The following ERI1 variants were observed in gnomAD, a reference collection of about 807,000 sequenced individuals.
ERI1 encodes the protein 3'-5' exoribonuclease 1.
In ERI1, 39 loss-of-function variants were observed where a neutral mutation model predicts 39.7. The ratio of observed to expected loss-of-function variants is 0.98; its 90% CI spans 0.76 to 1.28. ERI1 has a LOEUF of 1.28. ERI1 is among the 50% of genes most tolerant of loss of function. ERI1 has a pLI of 0.00. For missense variants in ERI1, 581 were observed against 416.9 expected (o/e 1.39, Z -3.43); for synonymous variants, 204 against 149.6 (o/e 1.36, Z -2.65).
At chr8:9,079,932 A>G (rs113387499) in intron 3 of ERI1, among the ~76,000 whole-genome samples, 7,510 of 151,640 alleles carry the variant, frequency 0.05, 565 homozygotes, top group African/African-American at 0.16. Flanking sequence ...TGGCCTCCCA[A>G]AGTGCTGTGA....
At chr8:9,047,475 G>C (rs1214441478) in intron 3 of ERI1, among the ~76,000 whole-genome samples, 1 of 151,844 alleles carries the variant, frequency 6.6e-6, no homozygotes, top group Non-Finnish European at 1.5e-5. Context: ...AATGTCACCT[G>C]ACCAGCCTGG....
intron 3 of ERI1, among the ~76,000 whole-genome samples, chr8:9,076,709 A>T (rs1799222650): frequency 6.6e-6 from 1 of 152,230 alleles, no homozygotes; most frequent in Non-Finnish European, 1.5e-5. Context: ...AAGCCACTTC[A>T]GTGAGAAATG....
intron 3 of ERI1, among the ~76,000 whole-genome samples, chr8:9,075,380 T>A (rs181401146): frequency 6.6e-6 from 1 of 152,104 alleles, no homozygotes; most frequent in Non-Finnish European, 1.5e-5. Context: ...TGGAGACTGA[T>A]GAGAGATTAC....
At chr8:9,093,478 A>G (rs1390538422) in intron 3 of ERI1, among the ~76,000 whole-genome samples, 1 of 147,924 alleles carries the variant, frequency 6.8e-6, no homozygotes, top group Non-Finnish European at 1.5e-5. Flanking sequence ...CCTGGATAAT[A>G]TTTTTGGAAG....
chr8:9,038,646 A>G (rs1250083622), intron 3 of ERI1, among the ~76,000 whole-genome samples: 1 of 152,136 alleles, frequency 6.6e-6, no homozygotes, highest in South Asian at 2.1e-4. Flanking sequence ...AGTCCCATCT[A>G]CTTGGGGGGC....
intron 3 of ERI1, among the ~76,000 whole-genome samples, chr8:9,057,595 A>C (rs1301072504): frequency 2.6e-5 from 4 of 152,232 alleles, no homozygotes; most frequent in Non-Finnish European, 5.9e-5. Flanking sequence ...TGAGCCAGAC[A>C]CTATTTTAGG....
At position 9,016,338 on chromosome 8, in the gene ERI1, A is replaced by G. The variant is rs1184069414; in HGVS notation, c.515A>G (p.Gln172Arg). The change falls in exon 4 of 7, where the codon CAG (glutamine) becomes CGG (arginine). Residue 172 changes from glutamine (Q) to arginine (R), a missense_variant. Gln to Arg is a conservative substitution (Grantham distance 43). Coordinates refer to ENST00000250263, the MANE Select transcript of ERI1 (RefSeq NM_153332.4). ...CCCTTGCAGGAAGACACGTTTCAGC[A>G]GTATGTAAGACCAGAGATTAACACA... ...HTLEIEDTFQQYVRPEINTQL... is the reference protein window; with the variant it reads ...HTLEIEDTFQRYVRPEINTQL... 2.5e-6 allele frequency: 4 copies of G among 1,603,710 alleles called. No homozygotes were observed. Among genetic ancestry groups the G allele is most frequent in the Non-Finnish European group, 2.6e-6 (3 of 1,174,768 alleles).
At chr8:9,017,896 G>A (rs531910911) in intron 4 of ERI1, among the ~76,000 whole-genome samples, 49 of 152,318 alleles carry the variant, frequency 3.2e-4, no homozygotes, top group South Asian at 2.5e-3. Flanking sequence ...CAGTCTGGCA[G>A]CAGTATGTAG....
chr8:9,025,702 T>TGTG (rs1554519270), intron 6 of ERI1, among the ~76,000 whole-genome samples: 2,328 of 147,830 alleles, frequency 0.016, 23 homozygotes, highest in East Asian at 0.022. Context: ...TCTTTTTTTT[T>TGTG]TGTGTGTGTG....
chr8:9,037,430 T>G (rs190428187), downstream of ERI1, among the ~76,000 whole-genome samples: 2 of 152,100 alleles, frequency 1.3e-5, no homozygotes, highest in African/African-American at 2.4e-5. Context: ...TATTTGTTCA[T>G]TGCACTTTTG....
rs763463653 is a variant in ERI1, at chr8:9,018,406, GGTAA to G, written c.692+4_692+7del. 3 of 1,482,474 alleles carry G rather than the reference GGTAA, an allele frequency of 2.0e-6. No individual in the cohort carries two copies. The highest frequency in any genetic ancestry group is 2.8e-6 in the Non-Finnish European group (3 of 1,065,848). The allele number at this position is 1,482,474 out of a possible 1,614,324, so 91.8% of individuals were successfully genotyped here. A position where few individuals can be genotyped will look rare whatever the true frequency, so the allele number is the denominator to read the frequency against. ...TATAAATACTCACTTTTAACAGATGGGTAAGTATTTAGGAAGATTATTTTTTTAT... is the reference window on the plus strand; with the variant it reads ...TATAAATACTCACTTTTAACAGATGGGTATTTAGGAAGATTATTTTTTTAT... On this transcript the variant is annotated splice_donor_variant and splice_donor_region_variant and intron_variant, in intron 5 of 6. Transcript: ENST00000250263. LOFTEE classifies it high-confidence loss of function.
chr8:9,007,787 T>C (rs766562698), intron 1 of ERI1, among the ~76,000 whole-genome samples, 183 bp from the exon 2 acceptor site: 2 of 152,272 alleles, frequency 1.3e-5, no homozygotes, highest in East Asian at 3.9e-4. Flanking sequence ...GTAAATTGTA[T>C]TGGAGACGCA....
intron 3 of ERI1, among the ~76,000 whole-genome samples, chr8:9,081,739 A>G (rs1385961934): frequency 7.2e-6 from 1 of 138,774 alleles, no homozygotes; most frequent in African/African-American, 3.0e-5. Context: ...TTTAAGGAGC[A>G]GGGAGTTTAA....
chr8:9,087,706 C>G (rs957202539), intron 3 of ERI1, among the ~76,000 whole-genome samples: 1 of 152,212 alleles, frequency 6.6e-6, no homozygotes. Context: ...AGATCCCCTA[C>G]TTTCTGCTCA....
intron 3 of ERI1, among the ~76,000 whole-genome samples, chr8:9,078,862 A>G (rs967554180): frequency 3.3e-5 from 5 of 152,190 alleles, no homozygotes; most frequent in African/African-American, 1.2e-4. Context: ...TACAGAGACT[A>G]CAGGGGCATT....
In ERI1 at chr8:9,020,401, CAA is replaced by C; in HGVS notation, c.746_747del (p.Lys249IlefsTer23). Reference sequence around the variant, plus strand: ...ACATTCAGTGTCAACTCAGCAGGCTCAAATACCCTCCTTTTGCGAAAAAGTGG... The same window carrying C: ...ACATTCAGTGTCAACTCAGCAGGCTCATACCCTCCTTTTGCGAAAAAGTGG... ...LNIQCQLSRL[K>X]YPPFAKKWIN... On this transcript the variant is annotated frameshift_variant, in exon 6 of 7. Coordinates refer to ENST00000250263, the MANE Select transcript of ERI1 (RefSeq NM_153332.4). LOFTEE classifies it high-confidence loss of function. 6.2e-7 allele frequency: 1 copy of C among 1,608,284 alleles called. No homozygotes were observed. The highest frequency in any genetic ancestry group is 8.5e-7 in the Non-Finnish European group (1 of 1,177,762).
chr8:9,027,136 G>GGTGTGTGTGTGT (rs780775904), intron 6 of ERI1, among the ~76,000 whole-genome samples: 4,078 of 137,468 alleles, frequency 0.03, 103 homozygotes, highest in Non-Finnish European at 0.044. Context: ...GTTATTTTCT[G>GGTGTGTGTGTGT]GTGTGTGTGT....
chr8:9,011,471 C>A, intron 2 of ERI1, 71 bp from the exon 3 acceptor site: 1 of 1,014,790 alleles, frequency 9.9e-7, no homozygotes, highest in Non-Finnish European at 1.4e-6. Flanking sequence ...AGCCCAGTGC[C>A]AGCAGGTGAG....
Position 9,095,491 on chromosome 8 carries a change from GTTGT to G in ERI1, n.300-20830_300-20827del, listed in dbSNP as rs79253861. ...TCCATGGGACAGGTCTTTTGTTGTT[GTTGT>G]TTGTTTGTTTGTTTGTTTGTTTGTT... On this transcript the variant is annotated intron_variant and non_coding_transcript_variant, in intron 3 of 3. Coordinates refer to the ERI1 transcript ENST00000518663. Among the ~76,000 whole-genome samples the G allele has an allele frequency of 6.9e-3, 1,038 of 149,642 alleles. 9 individuals are homozygous for G. The highest frequency in any genetic ancestry group is 0.011 in the Admixed American group (158 of 15,008).
Sources: allele counts gnomAD v4.1 joint callset (sites outside exome capture counted in the v4.1 genomes callset), GRCh38; gene constraint gnomAD v4.1.1; transcripts MANE v1.5; gene names NCBI Gene and HGNC (gene_info 2026-07-23, HGNC 2026-07-21).